The following FAR2 variants were observed in gnomAD, a reference collection of about 807,000 sequenced individuals.
FAR2 encodes fatty acyl-CoA reductase 2.
FAR2 carries 19 observed loss-of-function variants against 56.0 expected under a neutral mutation model. That is an observed-to-expected ratio of 0.34 (90% CI 0.24 to 0.50). FAR2 has a LOEUF of 0.50. Ranked by LOEUF, FAR2 falls within the 20% of genes least tolerant of loss-of-function variation. FAR2 has a pLI of 0.98. For synonymous variants in FAR2, 219 were observed against 218.8 expected (o/e 1.00, Z -0.01); for missense variants, 508 against 642.2 (o/e 0.79, Z 2.26).
intron 2 of FAR2, among the ~76,000 whole-genome samples, chr12:29,275,490 G>C (rs1373054036): frequency 2.0e-5 from 3 of 152,166 alleles, no homozygotes; most frequent in Non-Finnish European, 4.4e-5. Flanking sequence ...TAATGGGATG[G>C]CTGGGTCAAA....
intron 4 of FAR2, among the ~76,000 whole-genome samples, chr12:29,298,036 C>CAAAAAA (rs71042980): frequency 1.1e-4 from 13 of 123,598 alleles, no homozygotes; most frequent in Non-Finnish European, 1.2e-4. Context: ...AACTCCGTCT[C>CAAAAAA]AAAAAAAAAA....
chr12:29,280,594 A>G (rs1948771078), intron 2 of FAR2: 1 of 152,168 alleles, frequency 6.6e-6, no homozygotes, highest in Non-Finnish European at 1.5e-5. Flanking sequence ...AACCCCCCAA[A>G]TCAGTAGCTT....
chr12:29,263,996 A>G (rs1948469299), intron 1 of FAR2, among the ~76,000 whole-genome samples: 2 of 152,138 alleles, frequency 1.3e-5, no homozygotes, highest in South Asian at 4.1e-4. Flanking sequence ...CCAGATAAAG[A>G]CACATCAAAG....
chr12:29,232,694 T>C (rs1254419084), intron 1 of FAR2, among the ~76,000 whole-genome samples: 8 of 152,086 alleles, frequency 5.3e-5, no homozygotes, highest in Non-Finnish European at 8.8e-5. Flanking sequence ...ATCAACATCA[T>C]GGTTATTTCT....
chr12:29,248,471 A>G (rs1458108923), intron 1 of FAR2, among the ~76,000 whole-genome samples: 2 of 152,200 alleles, frequency 1.3e-5, no homozygotes, highest in Non-Finnish European at 2.9e-5. Context: ...GTGCAAATAG[A>G]TGTGGGTCAC....
chr12:29,312,518 A>C (rs928102046), intron 8 of FAR2, among the ~76,000 whole-genome samples: 2 of 151,734 alleles, frequency 1.3e-5, no homozygotes, highest in African/African-American at 4.8e-5. Context: ...GATTCCTTGA[A>C]CCCTGGGACC....
At chr12:29,271,096 A>G (rs1306956727) in intron 2 of FAR2, among the ~76,000 whole-genome samples, 2 of 152,178 alleles carry the variant, frequency 1.3e-5, no homozygotes, top group Non-Finnish European at 2.9e-5. Flanking sequence ...TAAACTCTAC[A>G]AGGTTTAGCT....
At chr12:29,237,568 G>T (rs918873) in intron 1 of FAR2, among the ~76,000 whole-genome samples, 56,254 of 152,022 alleles carry the variant, frequency 0.37, 10,513 homozygotes, top group African/African-American at 0.41. Flanking sequence ...AAGTAGGATG[G>T]TTGTCTCAAA....
At chr12:29,327,476 A>C (rs1949667926) in intron 10 of FAR2, among the ~76,000 whole-genome samples, 1 of 152,220 alleles carries the variant, frequency 6.6e-6, no homozygotes, top group Non-Finnish European at 1.5e-5. Context: ...ACAAAACTGG[A>C]GGCATCAGGC....
intron 1 of FAR2, among the ~76,000 whole-genome samples, chr12:29,154,280 T>A (rs1459336612): frequency 6.8e-6 from 1 of 147,908 alleles, no homozygotes; most frequent in Non-Finnish European, 1.5e-5. Context: ...TAGCAGTTTT[T>A]CCTAAACTGC....
rs147567566 is a variant in FAR2 at position 29,270,472 on chromosome 12, A to G, written c.23A>G (p.Tyr8Cys). The G allele has an allele frequency of 4.4e-6, 7 of 1,592,210 alleles. No homozygotes were observed. In the African/African-American group the frequency reaches 6.7e-5, roughly 15 times the overall value. MSTIAAF[Y>C]GGKSILITGA... is the part of the protein sequence containing the mutation. ...ATCATGTCCACAATTGCAGCTTTCTATGGCGGCAAGTCCATTCTCATCACG... is the reference window on the plus strand; with the variant it reads ...ATCATGTCCACAATTGCAGCTTTCTGTGGCGGCAAGTCCATTCTCATCACG... The change falls in exon 2 of 12, where the codon TAT becomes TGT. Residue 8 changes from tyrosine to cysteine, a missense_variant. Transcript: ENST00000536681.
At chr12:29,244,661 T>C (rs1948096081) in intron 1 of FAR2, among the ~76,000 whole-genome samples, 1 of 152,196 alleles carries the variant, frequency 6.6e-6, no homozygotes, top group Non-Finnish European at 1.5e-5. Context: ...TCCCAGGCAC[T>C]AGAGATGCAA....
intron 4 of FAR2, among the ~76,000 whole-genome samples, chr12:29,299,768 C>T (rs959184306): frequency 3.3e-5 from 5 of 150,418 alleles, no homozygotes; most frequent in African/African-American, 1.2e-4. Context: ...AAGGCCTTCC[C>T]TCCTCATACT....
intron 1 of FAR2, among the ~76,000 whole-genome samples, chr12:29,255,091 T>A (rs1316979297): frequency 6.6e-6 from 1 of 152,206 alleles, no homozygotes; most frequent in East Asian, 1.9e-4. Context: ...TGGACTTCCA[T>A]AACAGAATAC....
At chr12:29,288,146 CA>C (rs1948905461) in intron 2 of FAR2, among the ~76,000 whole-genome samples, 1 of 152,112 alleles carries the variant, frequency 6.6e-6, no homozygotes, top group Non-Finnish European at 1.5e-5. Flanking sequence ...TGTGTAATGG[CA>C]AGTCAATGGA....
intron 3 of FAR2, among the ~76,000 whole-genome samples, chr12:29,296,004 A>G (rs1171721418): frequency 2.7e-5 from 4 of 150,206 alleles, no homozygotes; most frequent in African/African-American, 4.9e-5. Flanking sequence ...TCCTGACCTC[A>G]TGATCCACCC....
chr12:29,321,998 C>CTGA, intron 10 of FAR2, 74 bp downstream of exon 10: 2 of 1,505,068 alleles, frequency 1.3e-6, no homozygotes, highest in Non-Finnish European at 1.8e-6. Flanking sequence ...ATTTGGAAAG[C>CTGA]TGATGAATGA....
intron 1 of FAR2, among the ~76,000 whole-genome samples, chr12:29,203,533 A>G (rs1340640532): frequency 6.6e-6 from 1 of 152,194 alleles, no homozygotes; most frequent in East Asian, 1.9e-4. Context: ...CAGCAATTGT[A>G]TTAGGCCTGT....
chr12:29,311,210 TTTTCCA>T, intron 7 of FAR2, 64 bp downstream of exon 7: 1 of 1,129,550 alleles, frequency 8.9e-7, no homozygotes, highest in Non-Finnish European at 1.3e-6. Context: ...ATTAGGCCCA[TTTTCCA>T]AATATAGGCA....
Sources: gnomAD v4.1 joint callset for allele counts (sites outside exome capture counted in the v4.1 genomes callset) on GRCh38, gnomAD v4.1.1 for gene constraint, MANE v1.5 for transcripts, NCBI Gene and HGNC (gene_info 2026-07-23, HGNC 2026-07-21) for gene names.